The following ABR variants were observed in gnomAD, a reference collection of about 807,000 sequenced individuals.
The protein encoded by ABR is ABR activator of RhoGEF and GTPase.
In ABR, 35 loss-of-function variants were observed where a neutral mutation model predicts 107.2. The ratio of observed to expected loss-of-function variants is 0.33; its 90% CI spans 0.25 to 0.43. The LOEUF (loss-of-function observed/expected upper bound fraction) is 0.43, where lower values mean the gene tolerates loss of function less well. Among genes scored for constraint, ABR ranks in the 20% least tolerant of loss-of-function variants. ABR has a pLI of 1.00. For synonymous variants in ABR, 498 were observed against 462.0 expected (o/e 1.08, Z -1.00); for missense variants, 815 against 1,115.2 (o/e 0.73, Z 3.83).
intron 2 of ABR, among the ~76,000 whole-genome samples, chr17:1,105,980 G>A (rs1027102822): frequency 4.6e-5 from 7 of 152,110 alleles, no homozygotes; most frequent in East Asian, 1.9e-4. Flanking sequence ...CAACGCCCCC[G>A]TCACAACCCT....
intron 2 of ABR, among the ~76,000 whole-genome samples, chr17:1,116,014 G>A (rs1461549370): frequency 6.6e-6 from 1 of 151,882 alleles, no homozygotes; most frequent in Non-Finnish European, 1.5e-5. Flanking sequence ...ATCACCTGAG[G>A]TTGGGAGTTC....
intron 10 of ABR, among the ~76,000 whole-genome samples, chr17:1,059,260 C>A (rs1001241186): frequency 6.6e-6 from 1 of 152,204 alleles, no homozygotes; most frequent in African/African-American, 2.4e-5. Flanking sequence ...CGGAAGCCAG[C>A]TGGTGCCAAG....
chr17:1,204,044 T>A (rs1395105726), intron 1 of ABR, among the ~76,000 whole-genome samples: 1 of 152,184 alleles, frequency 6.6e-6, no homozygotes, highest in African/African-American at 2.4e-5. Flanking sequence ...GCCAGCCCAG[T>A]CCACTCCTCC....
intron 1 of ABR, among the ~76,000 whole-genome samples, chr17:1,227,739 TGAG>T (rs2043248413): frequency 6.6e-6 from 1 of 152,114 alleles, no homozygotes; most frequent in African/African-American, 2.4e-5. Flanking sequence ...TCCGCGTGGC[TGAG>T]GAGACCGTGA....
chr17:1,100,508 A>C, intron 3 of ABR, 129 bp downstream of exon 3: 1 of 829,614 alleles, frequency 1.2e-6, no homozygotes, highest in African/African-American at 1.7e-5. Flanking sequence ...GACCAGCTGC[A>C]GACTCTGTCC....
chr17:1,080,944 C>T (rs896598275), intron 5 of ABR, among the ~76,000 whole-genome samples: 3 of 152,128 alleles, frequency 2.0e-5, no homozygotes, highest in South Asian at 2.1e-4. Flanking sequence ...GAAGCAAGCA[C>T]GTCATCGAGT....
upstream of ABR, among the ~76,000 whole-genome samples, chr17:1,183,653 T>A (rs1279474185): frequency 6.6e-6 from 1 of 152,088 alleles, no homozygotes; most frequent in Non-Finnish European, 1.5e-5. Context: ...TCCCTTCTCA[T>A]GTTAGCAGCT....
intron 10 of ABR, among the ~76,000 whole-genome samples, chr17:1,066,621 C>T (rs975852662): frequency 4.6e-5 from 7 of 152,000 alleles, no homozygotes; most frequent in Non-Finnish European, 1.0e-4. Context: ...CTCCACCTCC[C>T]GGGTTCAAGC....
rs76797699 is a variant in ABR at position 1,130,530 on chromosome 17, C to T, written c.62-5163G>A. Among the ~76,000 whole-genome samples the T allele has an allele frequency of 2.6e-3, 389 of 152,334 alleles. 3 individuals are homozygous for T. Among genetic ancestry groups the T allele is most frequent in the African/African-American group, 9.0e-3 (373 of 41,566 alleles). On this transcript the variant is annotated intron_variant, in intron 1 of 22. Coordinates refer to ENST00000302538, the MANE Select transcript of ABR (RefSeq NM_021962.5). Reference sequence around the variant, plus strand: ...CCTTTGTGGTCTGCACCTGCTCCACCTCTCCAGGGTCCTATTCTCCTGCCC... The same window carrying T: ...CCTTTGTGGTCTGCACCTGCTCCACTTCTCCAGGGTCCTATTCTCCTGCCC...
chr17:1,021,006 C>T (rs2071580478), intron 16 of ABR, among the ~76,000 whole-genome samples: 1 of 152,208 alleles, frequency 6.6e-6, no homozygotes, highest in Non-Finnish European at 1.5e-5. Flanking sequence ...ACTCTCCACT[C>T]CAGCACGCAG....
Position 1,108,892 on chromosome 17 carries a change from G to A in ABR, c.247-8157C>T, listed in dbSNP as rs201311682. 3.6e-4 allele frequency: 551 copies of A among 1,541,916 alleles called. 4 individuals carry two copies. The African/African-American group carries it at 6.4e-3, about 18-fold the overall frequency. On this transcript the variant is annotated intron_variant, in intron 2 of 22. Coordinates refer to ENST00000302538, the MANE Select transcript of ABR (RefSeq NM_021962.5). ...TCTCCCGCGCACCTTCGGCAGCGCC[G>A]GCCCGGCCCCCCCCAGCGCCCAGGG...
chr17:1,058,060 T>C lies in ABR; in HGVS notation c.1306-15A>G. 1.9e-6 allele frequency: 3 copies of C among 1,607,290 alleles called. No homozygotes were observed. Among genetic ancestry groups the C allele is most frequent in the Non-Finnish European group, 2.6e-6 (3 of 1,175,732 alleles). On this transcript the variant is annotated splice_polypyrimidine_tract_variant and intron_variant, in intron 11 of 22. Coordinates refer to ENST00000302538, the MANE Select transcript of ABR (RefSeq NM_021962.5). Reference sequence around the variant, plus strand: ...AACAGGTAACTCTGAAGAGAGGAGATAAGCATAAAGTGGGTGACCACAGTC... The same window carrying C: ...AACAGGTAACTCTGAAGAGAGGAGACAAGCATAAAGTGGGTGACCACAGTC...
chr17:1,187,340 T>G (rs2042325592), upstream of ABR: 1 of 152,318 alleles, frequency 6.6e-6, no homozygotes, highest in South Asian at 2.1e-4. Flanking sequence ...CCTCTGCCCG[T>G]CCTGCGGCAG....
intron 2 of ABR, among the ~76,000 whole-genome samples, chr17:1,109,726 C>T (rs898218232): frequency 6.6e-6 from 1 of 152,132 alleles, no homozygotes; most frequent in Non-Finnish European, 1.5e-5. Flanking sequence ...CGTCCCGCCG[C>T]CGCTGGAGGA....
chr17:1,009,218 T>TTC (rs2070317891), intron 21 of ABR, among the ~76,000 whole-genome samples: 1 of 38,870 alleles, frequency 2.6e-5, no homozygotes, highest in African/African-American at 7.0e-5. Context: ...CTGCTGTCCA[T>TTC]CCCCACTACT....
chr17:1,020,612 C>T (rs751831657), intron 16 of ABR, among the ~76,000 whole-genome samples: 5 of 152,150 alleles, frequency 3.3e-5, no homozygotes, highest in East Asian at 1.9e-4. Flanking sequence ...CCAAGAATCC[C>T]GTAGGTGGCT....
chr17:1,025,817 G>A (rs1200042503), intron 16 of ABR, among the ~76,000 whole-genome samples: 1 of 152,134 alleles, frequency 6.6e-6, no homozygotes, highest in Non-Finnish European at 1.5e-5. Context: ...CTGCAGACAG[G>A]GTCTCGTCTG....
rs1255761293 is a variant in ABR at position 1,157,645 on chromosome 17, C to G, written c.61+22022G>C. Among the ~76,000 whole-genome samples, 1 of 152,250 alleles carries G rather than the reference C, an allele frequency of 6.6e-6. No homozygotes were observed. Among genetic ancestry groups the G allele is most frequent in the Non-Finnish European group, 1.5e-5 (1 of 68,046 alleles). ...TACAAGGGAAGAGCCGCTGCTGGAA[C>G]ACGCCCAGCGGAACAGGGGGAAGCC... On this transcript the variant is annotated intron_variant, in intron 1 of 22. Transcript: ENST00000302538. The surrounding 1 kb of genome is among the most constrained non-coding windows in gnomAD (Gnocchi z 4.7).
At chr17:1,058,451 C>T (rs1288530752) in intron 11 of ABR, among the ~76,000 whole-genome samples, 1 of 152,118 alleles carries the variant, frequency 6.6e-6, no homozygotes, top group Admixed American at 6.6e-5. Flanking sequence ...AAAGCTCCTC[C>T]TTATCCAGGC....
Sources: gnomAD v4.1 joint callset for allele counts (sites outside exome capture counted in the v4.1 genomes callset) on GRCh38, gnomAD v4.1.1 for gene constraint, Gnocchi (gnomAD v3.1) non-coding constraint, MANE v1.5 for transcripts, NCBI Gene and HGNC (gene_info 2026-07-23, HGNC 2026-07-21) for gene names.